CRB1: variants seen among roughly 807,000 people sequenced by gnomAD.
The protein encoded by CRB1 is protein crumbs homolog 1.
In CRB1, 83 loss-of-function variants were observed where a neutral mutation model predicts 120.0. The observed-to-expected ratio is 0.69, with a 90% confidence interval of 0.58 to 0.83. The LOEUF is 0.83. Ranked by LOEUF, CRB1 falls within the 40% of genes least tolerant of loss-of-function variation. The pLI is 0.00. For missense variants in CRB1, 1,699 were observed against 1,687.6 expected, an observed-to-expected ratio of 1.01 and a Z score of -0.12; for synonymous variants, 625 against 612.5, an observed-to-expected ratio of 1.02 and a Z score of -0.30.
intron 5 of CRB1, among the ~76,000 whole-genome samples, chr1:197,388,265 A>T (rs1292456185): frequency 6.6e-6 from 1 of 152,098 alleles, no homozygotes; most frequent in Admixed American, 6.6e-5. Context: ...AGGATCAAAT[A>T]AATGGCAAAA....
In CRB1 at chr1:197,477,762, C is replaced by T. The variant is rs781437952; in HGVS notation, c.4104C>T (p.Val1368=). 3.7e-6 allele frequency: 6 copies of T among 1,613,868 alleles called. No homozygotes were observed. The East Asian group carries it at 1.1e-4, about 30-fold the overall frequency. ...TGCTGGCCATTGTTGCTTCTGTTGT[C>T]ACCTCCAACAAAAGGGCAACTCAGG... ...ILLLAIVASV[V]TSNKRATQGT... The change falls in exon 12 of 12, where the codon GTC becomes GTT. Residue 1368 remains valine, a synonymous_variant. Coordinates refer to ENST00000367400, the MANE Select transcript of CRB1 (RefSeq NM_201253.3).
chr1:197,268,234 A>C (rs1654706293), upstream of CRB1: 1 of 615,470 alleles, frequency 1.6e-6, no homozygotes, highest in Non-Finnish European at 3.0e-6. Context: ...AAGAAGCACA[A>C]ACTGCATTTT....
the CRB1 span, among the ~76,000 whole-genome samples, chr1:197,205,295 G>GT: frequency 1.3e-5 from 2 of 152,134 alleles, no homozygotes; most frequent in African/African-American, 4.8e-5. Context: ...TTGAATAGAA[G>GT]TGGTGAGAGT....
At chr1:197,234,443 A>G in the CRB1 span, among the ~76,000 whole-genome samples, 1 of 152,228 alleles carries the variant, frequency 6.6e-6, no homozygotes, top group Non-Finnish European at 1.5e-5. Flanking sequence ...GCTTGGAGAG[A>G]GATCCTTCAG....
intron 8 of CRB1, among the ~76,000 whole-genome samples, chr1:197,433,039 C>A: frequency 6.7e-6 from 1 of 149,856 alleles, no homozygotes. Context: ...TTTTTTTTAA[C>A]ATGGCAAAAT....
chr1:197,255,629 G>A, the CRB1 span, among the ~76,000 whole-genome samples: 702 of 152,022 alleles, frequency 4.6e-3, 4 homozygotes, highest in South Asian at 0.011. Context: ...AAAAAAGGAC[G>A]CTTCTGCCTG....
intron 5 of CRB1, among the ~76,000 whole-genome samples, chr1:197,374,386 A>G (rs1216754410): frequency 2.0e-5 from 3 of 152,160 alleles, no homozygotes; most frequent in Non-Finnish European, 2.9e-5. Flanking sequence ...GCTGCTTCCT[A>G]TCCATGTATA....
chr1:197,366,076 CA>C (rs1332018915), intron 5 of CRB1, among the ~76,000 whole-genome samples: 1 of 151,824 alleles, frequency 6.6e-6, no homozygotes, highest in African/African-American at 2.4e-5. Context: ...GGTAGAAAAG[CA>C]AGTGTTAACT....
the CRB1 span, among the ~76,000 whole-genome samples, chr1:197,220,485 A>G: frequency 1.3e-5 from 2 of 152,186 alleles, no homozygotes; most frequent in Non-Finnish European, 2.9e-5. Flanking sequence ...ACAAGATCCA[A>G]GGAGATGGGA....
intron 11 of CRB1, among the ~76,000 whole-genome samples, chr1:197,461,163 A>G (rs951649965): frequency 2.6e-5 from 4 of 152,172 alleles, no homozygotes; most frequent in Admixed American, 2.6e-4. Flanking sequence ...AATTATAGAT[A>G]CCAATGTAAG....
chr1:197,221,484 GTGT>G, the CRB1 span, among the ~76,000 whole-genome samples: 2 of 152,170 alleles, frequency 1.3e-5, no homozygotes, highest in African/African-American at 2.4e-5. Context: ...GATGTGCTCA[GTGT>G]TTCAGTTCTT....
At chr1:197,289,012 T>A (rs1656005455) in intron 1 of CRB1, among the ~76,000 whole-genome samples, 2 of 149,380 alleles carry the variant, frequency 1.3e-5, no homozygotes, top group Non-Finnish European at 3.0e-5. Context: ...CAACAGCATG[T>A]GGAGAGTGAT....
intron 1 of CRB1, among the ~76,000 whole-genome samples, chr1:197,273,131 T>G (rs1558021682): frequency 6.6e-6 from 1 of 152,126 alleles, no homozygotes; most frequent in Non-Finnish European, 1.5e-5. Context: ...TTGAGGTTCC[T>G]CTTGGCTGTG....
intron 5 of CRB1, among the ~76,000 whole-genome samples, chr1:197,396,254 G>A (rs1662766492): frequency 6.6e-6 from 1 of 151,868 alleles, no homozygotes; most frequent in African/African-American, 2.4e-5. Flanking sequence ...AAATAATTAG[G>A]TATACATTTA....
At chr1:197,311,484 A>C (rs1354210980) in intron 1 of CRB1, among the ~76,000 whole-genome samples, 1 of 152,212 alleles carries the variant, frequency 6.6e-6, no homozygotes. Context: ...TTGCTTTCCA[A>C]GATTATACAA....
At chr1:197,337,079 G>A (rs570243451) in intron 2 of CRB1, among the ~76,000 whole-genome samples, 22 of 152,280 alleles carry the variant, frequency 1.4e-4, no homozygotes, top group Admixed American at 3.9e-4. Context: ...TGTCCAAGGC[G>A]ATGAAAAGGT....
chr1:197,435,667 GTTC>G (rs1347334616), intron 9 of CRB1, 55 bp downstream of exon 9: 4 of 1,469,740 alleles, frequency 2.7e-6, no homozygotes, highest in Non-Finnish European at 3.8e-6. Context: ...CTGCATCACT[GTTC>G]TTGTCAAATT....
intron 1 of CRB1, among the ~76,000 whole-genome samples, chr1:197,310,302 C>T (rs368254722): frequency 3.3e-5 from 5 of 152,106 alleles, no homozygotes; most frequent in East Asian, 3.8e-4. Context: ...ATAAAAAAAA[C>T]CCTGACATCT....
chr1:197,402,570 A>G (rs896472520), intron 5 of CRB1, among the ~76,000 whole-genome samples: 8 of 152,314 alleles, frequency 5.3e-5, no homozygotes, highest in Admixed American at 4.6e-4. Flanking sequence ...AAAATAGGTC[A>G]GCTGTCTTTT....
Sources: gnomAD v4.1 joint callset for allele counts (sites outside exome capture counted in the v4.1 genomes callset) on GRCh38, gnomAD v4.1.1 for gene constraint, MANE v1.5 for transcripts, NCBI Gene and HGNC (gene_info 2026-07-23, HGNC 2026-07-21) for gene names.